The following TYRO3 variants were observed in gnomAD, a reference collection of about 807,000 sequenced individuals.
The protein encoded by TYRO3 is TYRO3 protein tyrosine kinase, also known as tyrosine-protein kinase receptor TYRO3.
TYRO3 carries 38 observed loss-of-function variants against 95.2 expected under a neutral mutation model. That is an observed-to-expected ratio of 0.40 (90% CI 0.31 to 0.52). The LOEUF (loss-of-function observed/expected upper bound fraction) is 0.52, where lower values mean the gene tolerates loss of function less well. TYRO3 is among the 20% of genes least tolerant of loss of function. The pLI is 0.56. For synonymous variants in TYRO3, 367 were observed against 432.9 expected (o/e 0.85, Z 1.89); for missense variants, 812 against 1,116.4 (o/e 0.73, Z 3.89).
chr15:41,559,468 C>A, intron 1 of TYRO3, 87 bp downstream of exon 1: 1 of 215,702 alleles, frequency 4.6e-6, no homozygotes, highest in East Asian at 1.0e-4. Context: ...GCCTGGCGGG[C>A]TGGAGTCGGG....
intron 6 of TYRO3, among the ~76,000 whole-genome samples, chr15:41,566,240 G>A (rs1222358558): frequency 6.8e-6 from 1 of 146,116 alleles, no homozygotes; most frequent in Non-Finnish European, 1.5e-5. Context: ...TTGAGCCTGA[G>A]AAGTCAAGCC....
intron 2 of TYRO3, 57 bp downstream of exon 2, chr15:41,561,367 T>C (rs1364837734): frequency 1.4e-5 from 21 of 1,453,822 alleles, no homozygotes; most frequent in Middle Eastern, 1.9e-4. Flanking sequence ...CTATGCTCTT[T>C]CCTTGGGGAT....
rs1595509324 is a variant in TYRO3 at position 41,583,012 on chromosome 15, T to TTTTTTTTTTTTTATAA, written c.*4736_*4737insTTTTTTTTTTTTATAA. ...ATTTTTAAGTGTTTTTTTTTTTTTT[T>TTTTTTTTTTTTTATAA]AATACAGAGCCTTGCTCTGTCGCCC... On this transcript the variant is annotated 3_prime_UTR_variant, in exon 19 of 19. Transcript: ENST00000263798. The TTTTTTTTTTTTTATAA allele has an allele frequency of 6.9e-6, 1 of 145,278 alleles. No individual in the cohort carries two copies. The highest frequency in any genetic ancestry group is 2.5e-5 in the African/African-American group (1 of 39,694). 9.0% of individuals were successfully genotyped at this position (145,278 alleles called of 1,614,324 possible).
Position 41,575,879 on chromosome 15 carries a change from C to T in TYRO3, c.2283-2007C>T, listed in dbSNP as rs995787622. Among the ~76,000 whole-genome samples the T allele has an allele frequency of 3.9e-5, 6 of 152,104 alleles. No individual in the cohort carries two copies. The South Asian group carries it at 1.2e-3, about 32-fold the overall frequency. On this transcript the variant is annotated intron_variant, in intron 18 of 18. Coordinates refer to ENST00000263798, the MANE Select transcript of TYRO3 (RefSeq NM_006293.4). ...CCCGTAATCCCAGCGCTTTGGGAGG[C>T]GGATCTCCTGAGGTCGGGAGTTCCA...
At chr15:41,574,267 A>T (rs1426418767) in intron 18 of TYRO3, among the ~76,000 whole-genome samples, 1 of 152,146 alleles carries the variant, frequency 6.6e-6, no homozygotes, top group Admixed American at 6.5e-5. Context: ...TCTCTTGGGA[A>T]TCTAAGATAA....
chr15:41,570,428 T>C (rs1052703424), intron 11 of TYRO3, 88 bp downstream of exon 11: 1 of 1,486,252 alleles, frequency 6.7e-7, no homozygotes, highest in Non-Finnish European at 9.3e-7. Flanking sequence ...TTGACTGATA[T>C]GTCTGAACAT....
At chr15:41,571,738 T>C (rs1341541403) in intron 14 of TYRO3, 51 bp downstream of exon 14, 3 of 895,454 alleles carry the variant, frequency 3.4e-6, no homozygotes, top group Non-Finnish European at 5.3e-6. Flanking sequence ...AAAAATATGC[T>C]CTACCAATAT....
At chr15:41,577,674 A>G in intron 18 of TYRO3, 1 of 481,576 alleles carries the variant, frequency 2.1e-6, no homozygotes, top group Non-Finnish European at 3.7e-6. Context: ...TATTATAGAG[A>G]CAGGGTTTTG....
chr15:41,569,310 A>C (rs57921830), intron 9 of TYRO3, among the ~76,000 whole-genome samples: 9 of 151,964 alleles, frequency 5.9e-5, no homozygotes, highest in East Asian at 2.0e-4. Context: ...AAAAAAAAAA[A>C]AAAAACAATT....
At chr15:41,570,888 A>G in intron 12 of TYRO3, 150 bp from the exon 13 acceptor site, 2 of 952,890 alleles carry the variant, frequency 2.1e-6, no homozygotes, top group East Asian at 2.4e-5. Flanking sequence ...AGCTGCTCCC[A>G]GCATGCTCTT....
At position 41,570,592 on chromosome 15, in the gene TYRO3, C is replaced by T. The variant is rs2055782771; in HGVS notation, c.1484-12C>T. 2.1e-6 allele frequency: 2 copies of T among 970,302 alleles called. No homozygotes were observed. The highest frequency in any genetic ancestry group is 3.1e-6 in the Non-Finnish European group (2 of 644,050). 60.1% of individuals were successfully genotyped at this position (970,302 alleles called of 1,614,324 possible). A position where few individuals can be genotyped will look rare whatever the true frequency, so the allele number is the denominator to read the frequency against. On this transcript the variant is annotated splice_polypyrimidine_tract_variant and intron_variant, in intron 11 of 18. Transcript: ENST00000263798. Reference sequence around the variant, plus strand: ...CAGAGATCCCTCTTTCCCACAAACCCTTTCCCCACAGTGGACAGCTTGGGC... The same window carrying T: ...CAGAGATCCCTCTTTCCCACAAACCTTTTCCCCACAGTGGACAGCTTGGGC...
intron 6 of TYRO3, among the ~76,000 whole-genome samples, chr15:41,565,777 C>G (rs565146606): frequency 6.6e-6 from 1 of 151,938 alleles, no homozygotes; most frequent in Non-Finnish European, 1.5e-5. Flanking sequence ...GATACTCACC[C>G]TATCATGCTC....
intron 3 of TYRO3, chr15:41,562,331 C>CAAAAA (rs11363130): frequency 1.7e-5 from 3 of 174,250 alleles, no homozygotes; most frequent in Non-Finnish European, 2.9e-5. Flanking sequence ...CGACCAATCT[C>CAAAAA]AAAAAAAAAA....
At position 41,561,301 on chromosome 15, in the gene TYRO3, G is replaced by T; in HGVS notation, c.299G>T (p.Gly100Val). 6.2e-7 allele frequency: 1 copy of T among 1,611,438 alleles called. No homozygotes were observed. Among genetic ancestry groups the T allele is most frequent in the Non-Finnish European group, 8.5e-7 (1 of 1,178,222 alleles). Residue 100 changes from glycine to valine, a missense_variant, in exon 2 of 19, where the codon GGC becomes GTC. Coordinates refer to ENST00000263798, the MANE Select transcript of TYRO3 (RefSeq NM_006293.4). Reference protein sequence around the residue: ...YIPVSEQHWIGFLSLKSVERS... With the variant: ...YIPVSEQHWIVFLSLKSVERS... ...CCAGTCAGCGAGCAGCACTGGATCG[G>T]CTTCCTCAGGTGCAGGCCTGTGGGG...
At chr15:41,569,535 C>T (rs934625230) in intron 9 of TYRO3, among the ~76,000 whole-genome samples, 1 of 152,018 alleles carries the variant, frequency 6.6e-6, no homozygotes, top group Non-Finnish European at 1.5e-5. Flanking sequence ...CTTTGGGAGG[C>T]TGAGGTGGAA....
chr15:41,577,794 A>C, intron 18 of TYRO3, 92 bp from the exon 19 acceptor site: 1 of 1,392,124 alleles, frequency 7.2e-7, no homozygotes, highest in Non-Finnish European at 9.7e-7. Flanking sequence ...CCAGGGAATA[A>C]AATTTTTTAA....
In TYRO3 at chr15:41,561,148, C is replaced by T. The variant is rs983261458; in HGVS notation, c.146C>T (p.Pro49Leu). ...AAAGLKLMGAPVKLTVSQGQP... is the reference protein window; with the variant it reads ...AAAGLKLMGALVKLTVSQGQP... ...TCAGGTCTGAAGCTCATGGGAGCCCCGGTGAAGCTGACAGTGTCTCAGGGG... is the reference window on the plus strand; with the variant it reads ...TCAGGTCTGAAGCTCATGGGAGCCCTGGTGAAGCTGACAGTGTCTCAGGGG... The change falls in exon 2 of 19, where the codon CCG becomes CTG. Residue 49 changes from proline to leucine, a missense_variant. By Grantham distance (98) the Pro-to-Leu change is moderately conservative. Coordinates refer to ENST00000263798, the MANE Select transcript of TYRO3 (RefSeq NM_006293.4). 12 of 1,614,052 alleles carry T rather than the reference C, an allele frequency of 7.4e-6. No homozygotes were observed. The highest frequency in any genetic ancestry group is 2.2e-5 in the East Asian group (1 of 44,896).
intron 1 of TYRO3, 126 bp from the exon 2 acceptor site, chr15:41,561,001 T>C (rs2055645413): frequency 8.4e-7 from 1 of 1,190,736 alleles, no homozygotes; most frequent in Non-Finnish European, 1.2e-6. Flanking sequence ...TACCTCTGCT[T>C]CCTTGACTTT....
chr15:41,564,013 T>A (rs2055689626), intron 4 of TYRO3, among the ~76,000 whole-genome samples, 171 bp from the exon 5 acceptor site: 1 of 152,178 alleles, frequency 6.6e-6, no homozygotes, highest in South Asian at 2.1e-4. Context: ...CTCTCCAGGC[T>A]CACCAGACTC....
Sources: gnomAD v4.1 joint callset for allele counts (sites outside exome capture counted in the v4.1 genomes callset) on GRCh38, gnomAD v4.1.1 for gene constraint, MANE v1.5 for transcripts, NCBI Gene and HGNC (gene_info 2026-07-23, HGNC 2026-07-21) for gene names.